GXYLT1: variants seen among roughly 807,000 people sequenced by gnomAD.
GXYLT1 encodes the protein glucoside xylosyltransferase 1.
Under a neutral mutation model 54.0 loss-of-function variants are expected in GXYLT1, and 29 were observed. That is an observed-to-expected ratio of 0.54 (90% CI 0.40 to 0.73). The LOEUF is 0.73. Ranked by LOEUF, GXYLT1 falls within the 30% of genes least tolerant of loss-of-function variation. The pLI is 0.00. For synonymous variants in GXYLT1, 176 were observed against 204.1 expected, an observed-to-expected ratio of 0.86 and a Z score of 1.17; for missense variants, 490 against 553.4, an observed-to-expected ratio of 0.89 and a Z score of 1.15.
Position 42,085,982 on chromosome 12 carries a change from AC to A in GXYLT1, c.*1803del, listed in dbSNP as rs2065290868. 4.0e-5 allele frequency: 6 copies of A among 150,998 alleles called. No homozygotes were observed. The highest frequency in any genetic ancestry group is 7.4e-5 in the Non-Finnish European group (5 of 67,756). 9.4% of individuals were successfully genotyped at this position (150,998 alleles called of 1,614,324 possible). On this transcript the variant is annotated 3_prime_UTR_variant, in exon 8 of 8. Transcript: ENST00000398675. The stretch of plus-strand genomic sequence containing the variant: ...AAATTTCTTCATTAAAAATTGTTTT[AC>A]AGACTCCCTCCTAGACACAGCATGC...
Position 42,119,174 on chromosome 12 carries a change from A to G in GXYLT1, c.315-3T>C, listed in dbSNP as rs1299349395. On this transcript the variant is annotated splice_polypyrimidine_tract_variant and splice_region_variant and intron_variant, in intron 2 of 7. Coordinates refer to ENST00000398675, the MANE Select transcript of GXYLT1 (RefSeq NM_173601.2). ...CAGGCTGTATTTTCAGACTGTACCT[A>G]ATAGGAAAGAAAACCACATTTTTCA... 1 of 1,418,578 alleles carries G rather than the reference A, an allele frequency of 7.0e-7. No homozygotes were observed. Among genetic ancestry groups the G allele is most frequent in the African/African-American group, 1.5e-5 (1 of 65,140 alleles). 87.9% of individuals were successfully genotyped at this position (1,418,578 alleles called of 1,614,324 possible).
intron 2 of GXYLT1, among the ~76,000 whole-genome samples, chr12:42,129,131 A>T (rs7133752): frequency 6.6e-6 from 1 of 151,976 alleles, no homozygotes; most frequent in Admixed American, 6.5e-5. Flanking sequence ...ATTCTTATCA[A>T]TACCTGTTTC....
intron 3 of GXYLT1, among the ~76,000 whole-genome samples, chr12:42,111,116 T>A (rs1338101167): frequency 6.6e-6 from 1 of 152,198 alleles, no homozygotes; most frequent in East Asian, 1.9e-4. Context: ...AGGACAAGAT[T>A]AATTCCTCAA....
Position 42,144,465 on chromosome 12 carries a change from C to CCGGCGCCTCTCA in GXYLT1, c.170_181dup (p.Val57_Ala60dup), listed in dbSNP as rs1315522194. 2 of 1,286,116 alleles carry CCGGCGCCTCTCA rather than the reference C, an allele frequency of 1.6e-6. No individual in the cohort carries two copies. The highest frequency in any genetic ancestry group is 2.0e-6 in the Non-Finnish European group (2 of 1,014,772). The allele number at this position is 1,286,116 out of a possible 1,614,324, so 79.7% of individuals were successfully genotyped here. ...GGGATGCGCTGCGGGGCCCGCGACG[C>CCGGCGCCTCTCA]CGGCGCCTCTCACGGCGCCGCGTCC... On this transcript the variant is annotated inframe_insertion, in exon 1 of 8. Transcript: ENST00000398675.
At chr12:42,114,686 A>G (rs945698558) in intron 3 of GXYLT1, among the ~76,000 whole-genome samples, 8 of 152,198 alleles carry the variant, frequency 5.3e-5, no homozygotes, top group South Asian at 2.1e-4. Context: ...TTCACAGCCG[A>G]ATTCTACCAG....
chr12:42,134,043 A>G (rs1314233632), intron 1 of GXYLT1, among the ~76,000 whole-genome samples: 1 of 151,928 alleles, frequency 6.6e-6, no homozygotes, highest in Non-Finnish European at 1.5e-5. Context: ...CAAAGAATAA[A>G]AAAAAAATTA....
At chr12:42,140,701 A>C (rs1403780865) in intron 1 of GXYLT1, among the ~76,000 whole-genome samples, 1 of 152,182 alleles carries the variant, frequency 6.6e-6, no homozygotes, top group Non-Finnish European at 1.5e-5. Context: ...AGATCTAAAA[A>C]AGAAAGTGAA....
At chr12:42,097,810 C>T in intron 6 of GXYLT1, 100 bp downstream of exon 6, 1 of 1,054,576 alleles carries the variant, frequency 9.5e-7, no homozygotes, top group Non-Finnish European at 1.4e-6. Context: ...TAGCAATAAT[C>T]ATTAATATAA....
chr12:42,118,929 C>T (rs1010161019), intron 3 of GXYLT1, 71 bp downstream of exon 3: 2 of 1,155,978 alleles, frequency 1.7e-6, no homozygotes, highest in African/African-American at 1.6e-5. Flanking sequence ...CAGACTATTA[C>T]AACAACATTC....
chr12:42,114,250 C>A (rs965066784), intron 3 of GXYLT1, among the ~76,000 whole-genome samples: 1 of 151,974 alleles, frequency 6.6e-6, no homozygotes, highest in Admixed American at 6.6e-5. Context: ...ACATTCAAAA[C>A]CTAGCAGAAG....
At chr12:42,105,688 C>T (rs1419354909) in intron 5 of GXYLT1, 130 bp downstream of exon 5, 1 of 631,162 alleles carries the variant, frequency 1.6e-6, no homozygotes, top group East Asian at 2.8e-5. Flanking sequence ...TTATATTCTT[C>T]TAATGAGATT....
chr12:42,109,043 C>G (rs575639918), intron 4 of GXYLT1, among the ~76,000 whole-genome samples: 1 of 152,134 alleles, frequency 6.6e-6, no homozygotes, highest in East Asian at 1.9e-4. Context: ...TACCAAAGAA[C>G]AGCCCCACTG....
intron 1 of GXYLT1, among the ~76,000 whole-genome samples, chr12:42,130,664 T>C (rs1441636968): frequency 6.6e-6 from 1 of 152,056 alleles, no homozygotes; most frequent in East Asian, 1.9e-4. Flanking sequence ...CATACACACA[T>C]ACACAGACAG....
At chr12:42,117,433 T>C (rs1368182587) in intron 3 of GXYLT1, among the ~76,000 whole-genome samples, 4 of 152,076 alleles carry the variant, frequency 2.6e-5, no homozygotes, top group Non-Finnish European at 4.4e-5. Flanking sequence ...CTTTTAGTTT[T>C]CTGCCAAAAA....
At chr12:42,101,956 G>C (rs1484198237) in intron 5 of GXYLT1, among the ~76,000 whole-genome samples, 6 of 152,164 alleles carry the variant, frequency 3.9e-5, no homozygotes, top group Admixed American at 3.9e-4. Context: ...AGTGTGAAGA[G>C]ATATGTCAAG....
chr12:42,096,006 T>A (rs767862465), intron 7 of GXYLT1, among the ~76,000 whole-genome samples: 1 of 152,188 alleles, frequency 6.6e-6, no homozygotes, highest in Non-Finnish European at 1.5e-5. Flanking sequence ...CTGAAATTAT[T>A]TTAAATGACT....
intron 2 of GXYLT1, among the ~76,000 whole-genome samples, chr12:42,121,396 C>A (rs1592119143): frequency 6.6e-6 from 1 of 152,268 alleles, no homozygotes; most frequent in East Asian, 1.9e-4. Context: ...CTTTGGGAGG[C>A]CAAGTTGAGA....
At chr12:42,133,852 C>T (rs1396553934) in intron 1 of GXYLT1, among the ~76,000 whole-genome samples, 1 of 152,116 alleles carries the variant, frequency 6.6e-6, no homozygotes, top group African/African-American at 2.4e-5. Context: ...ACCCAGGTTA[C>T]ACAATTCTTT....
At chr12:42,088,176 CG>C (rs764901175) in intron 7 of GXYLT1, among the ~76,000 whole-genome samples, 2 of 151,672 alleles carry the variant, frequency 1.3e-5, no homozygotes, top group Non-Finnish European at 2.9e-5. Flanking sequence ...GGAGAACATG[CG>C]CAAGGGCAGA....
Sources: allele counts gnomAD v4.1 joint callset (sites outside exome capture counted in the v4.1 genomes callset), GRCh38; gene constraint gnomAD v4.1.1; transcripts MANE v1.5; gene names NCBI Gene and HGNC (gene_info 2026-07-23, HGNC 2026-07-21).